Variants in MDM2 observed in about 807,000 individuals in gnomAD.
MDM2 encodes E3 ubiquitin-protein ligase Mdm2.
MDM2 carries 11 observed loss-of-function variants against 64.3 expected under a neutral mutation model. The observed-to-expected ratio is 0.17, with a 90% CI of 0.11 to 0.28. MDM2 has a LOEUF of 0.28. Among genes scored for constraint, MDM2 ranks in the 10% least tolerant of loss-of-function variants. The pLI, the probability that MDM2 is intolerant of heterozygous loss-of-function variation, is 1.00. For missense variants in MDM2, 388 were observed against 577.1 expected, an observed-to-expected ratio of 0.67 and a Z score of 3.36; for synonymous variants, 194 against 192.9, an observed-to-expected ratio of 1.01 and a Z score of -0.05.
At chr12:68,845,614 A>G (rs575672176), downstream of MDM2, 4 of 178,102 alleles carry the variant, frequency 2.2e-5, no homozygotes, top group South Asian at 7.9e-4. Flanking sequence ...TCCTTTAAAG[A>G]CTTTAAAAAA....
At chr12:68,812,081 A>T (rs1299438559) in intron 2 of MDM2, among the ~76,000 whole-genome samples, 1 of 152,266 alleles carries the variant, frequency 6.6e-6, no homozygotes, top group African/African-American at 2.4e-5. Context: ...TATTTTATCT[A>T]ATTTGAAGCT....
Position 68,842,185 on chromosome 12 carries a change from C to G in MDM2, c.*2336C>G. ...GAACTATGGAATAAAACTACTGATGCAGTGAAGACAGTTGAAAAGATCAAA... is the reference window on the plus strand; with the variant it reads ...GAACTATGGAATAAAACTACTGATGGAGTGAAGACAGTTGAAAAGATCAAA... On this transcript the variant is annotated 3_prime_UTR_variant, in exon 11 of 11. Transcript: ENST00000258149. 4.1e-6 allele frequency: 2 copies of G among 492,718 alleles called. No homozygotes were observed. Among genetic ancestry groups the G allele is most frequent in the Admixed American group, 4.7e-5 (2 of 42,170 alleles). The allele number at this position is 492,718 out of a possible 1,614,324, so 30.5% of individuals were successfully genotyped here. A position where few individuals can be genotyped will look rare whatever the true frequency, so the allele number is the denominator to read the frequency against.
At chr12:68,817,083 C>T (rs760639175) in intron 4 of MDM2, 138 bp downstream of exon 4, 11 of 959,998 alleles carry the variant, frequency 1.1e-5, no homozygotes, top group Admixed American at 3.7e-5. Context: ...TTTAGCTCTG[C>T]GGCATATTAT....
At chr12:68,826,612 G>A (rs1306488216) in intron 7 of MDM2, among the ~76,000 whole-genome samples, 2 of 139,234 alleles carry the variant, frequency 1.4e-5, no homozygotes, top group African/African-American at 5.8e-5. Context: ...TCGCACCACT[G>A]CACTCCAGCC....
intron 5 of MDM2, among the ~76,000 whole-genome samples, chr12:68,823,414 G>A (rs1292644357): frequency 6.6e-6 from 1 of 152,052 alleles, no homozygotes; most frequent in Non-Finnish European, 1.5e-5. Context: ...TCTTTCTAAA[G>A]TTTCTCTTTT....
chr12:68,808,186 C>G lies in MDM2; in HGVS notation c.-292C>G, dbSNP rs1380158485. The G allele has an allele frequency of 3.9e-6, 2 of 515,078 alleles. No individual in the cohort carries two copies. The highest frequency in any genetic ancestry group is 6.8e-6 in the Non-Finnish European group (2 of 293,478). The allele number at this position is 515,078 out of a possible 1,614,324, so 31.9% of individuals were successfully genotyped here. Reference sequence around the variant, plus strand: ...CCCCTCGGGCGGTAGGGGGCGCGCACCGAGGCACCGCGGCGAGCTTGGCTG... The same window carrying G: ...CCCCTCGGGCGGTAGGGGGCGCGCAGCGAGGCACCGCGGCGAGCTTGGCTG... On this transcript the variant is annotated 5_prime_UTR_variant, in exon 1 of 11. Coordinates refer to ENST00000258149, the MANE Select transcript of MDM2 (RefSeq NM_002392.6).
At chr12:68,831,381 C>A (rs1251368164) in intron 8 of MDM2, among the ~76,000 whole-genome samples, 1 of 152,118 alleles carries the variant, frequency 6.6e-6, no homozygotes, top group Non-Finnish European at 1.5e-5. Context: ...ATTGGTTTGA[C>A]CAGGCATGTC....
At chr12:68,814,008 T>C (rs932971316) in intron 3 of MDM2, among the ~76,000 whole-genome samples, 14 of 152,268 alleles carry the variant, frequency 9.2e-5, no homozygotes, top group Non-Finnish European at 1.8e-4. Flanking sequence ...GCTTTTGTTA[T>C]TAACATAATA....
intron 8 of MDM2, among the ~76,000 whole-genome samples, chr12:68,834,562 C>T (rs566147927): frequency 6.6e-6 from 1 of 151,760 alleles, no homozygotes; most frequent in Non-Finnish European, 1.5e-5. Context: ...CATGGTGAAG[C>T]CCTGCCTCTA....
intron 2 of MDM2, among the ~76,000 whole-genome samples, chr12:68,810,267 G>A (rs1385273428): frequency 6.6e-6 from 1 of 150,428 alleles, no homozygotes; most frequent in South Asian, 2.1e-4. Context: ...CCAAGATTGC[G>A]CCATTTCACT....
chr12:68,820,385 T>A lies in MDM2; in HGVS notation c.358+11T>A. ...TAGTCAATCAGCAGGGTAAGTTAAT[T>A]TTGAGCATCATGGATAAATACCATA... On this transcript the variant is annotated intron_variant, in intron 5 of 10. Coordinates refer to ENST00000258149, the MANE Select transcript of MDM2 (RefSeq NM_002392.6). 1 of 1,599,510 alleles carries A rather than the reference T, an allele frequency of 6.3e-7. No homozygotes were observed. The highest frequency in any genetic ancestry group is 8.5e-7 in the Non-Finnish European group (1 of 1,170,868).
intron 5 of MDM2, among the ~76,000 whole-genome samples, chr12:68,822,719 T>C (rs1312771618): frequency 6.6e-6 from 1 of 150,926 alleles, no homozygotes; most frequent in Non-Finnish European, 1.5e-5. Context: ...ACTTCAGAAC[T>C]CCTATTCCAT....
In MDM2 at chr12:68,835,998, T is replaced by TC. The variant is rs753104067; in HGVS notation, c.840+18dup. The TC allele has an allele frequency of 2.5e-6, 4 of 1,582,086 alleles. No individual in the cohort carries two copies. The South Asian group carries it at 4.7e-5, about 19-fold the overall frequency. ...GAAGATGATGAGGTAGTATTTTTTT[T>TC]CCCCTCTAATTATATTGGAAAATTA... On this transcript the variant is annotated intron_variant, in intron 9 of 10. Coordinates refer to ENST00000258149, the MANE Select transcript of MDM2 (RefSeq NM_002392.6).
Position 68,843,562 on chromosome 12 carries a change from G to C in MDM2, c.*3713G>C, listed in dbSNP as rs1467170370. 1 of 226,792 alleles carries C rather than the reference G, an allele frequency of 4.4e-6. No homozygotes were observed. Among genetic ancestry groups the C allele is most frequent in the Admixed American group, 5.7e-5 (1 of 17,550 alleles). The allele number at this position is 226,792 out of a possible 1,614,324, so 14.0% of individuals were successfully genotyped here. On this transcript the variant is annotated 3_prime_UTR_variant, in exon 11 of 11. Coordinates refer to ENST00000258149, the MANE Select transcript of MDM2 (RefSeq NM_002392.6). Reference sequence around the variant, plus strand: ...GCAAAACAGTGAAAATAACCATCTTGATTTAGTGTTTTTCTCCCATATGTG... The same window carrying C: ...GCAAAACAGTGAAAATAACCATCTTCATTTAGTGTTTTTCTCCCATATGTG...
chr12:68,824,337 T>C (rs1882122104), intron 5 of MDM2, 26 bp from the exon 6 acceptor site: 1 of 1,604,904 alleles, frequency 6.2e-7, no homozygotes, highest in African/African-American at 1.3e-5. Context: ...ACCACCAAGT[T>C]TCTGATCCTT....
At chr12:68,819,426 G>A (rs1274489350) in intron 4 of MDM2, among the ~76,000 whole-genome samples, 2 of 152,154 alleles carry the variant, frequency 1.3e-5, no homozygotes, top group African/African-American at 4.8e-5. Flanking sequence ...CCAGTGACTG[G>A]TACGTGGTAG....
intron 4 of MDM2, among the ~76,000 whole-genome samples, chr12:68,817,266 T>TA (rs994854277): frequency 5.3e-5 from 8 of 152,230 alleles, no homozygotes; most frequent in African/African-American, 1.9e-4. Context: ...AGACGTTGTA[T>TA]AAAAAAGCAT....
In MDM2 at chr12:68,845,086, T is replaced by C. The variant is rs2136193112; in HGVS notation, c.*5237T>C. ...CCCAGCCTAATAAGGGTTTTAAAGA[T>C]AATTAGTGTGTAGGTCTGTAGGCTT... On this transcript the variant is annotated 3_prime_UTR_variant, in exon 11 of 11. Transcript: ENST00000258149. 4.6e-6 allele frequency: 1 copy of C among 218,906 alleles called. No homozygotes were observed. The highest frequency in any genetic ancestry group is 1.9e-4 in the South Asian group (1 of 5,402). The allele number at this position is 218,906 out of a possible 1,614,324, so 13.6% of individuals were successfully genotyped here.
At position 68,833,273 on chromosome 12, in the gene MDM2, TTATATAAATATAAATATA is replaced by T. The variant is rs1882992900; in HGVS notation, c.685-2550_685-2533del. Among the ~76,000 whole-genome samples the T allele has an allele frequency of 3.6e-5, 2 of 54,870 alleles. 1 individual carries two copies. Among genetic ancestry groups the T allele is most frequent in the Non-Finnish European group, 9.1e-5 (2 of 22,048 alleles). 36.0% of individuals were successfully genotyped at this position (54,870 alleles called of 152,430 possible). The stretch of plus-strand genomic sequence containing the variant: ...TATATATATTTATATAATTATATAT[TTATATAAATATAAATATA>T]TATATTTATATAAATATAAAAATAT... On this transcript the variant is annotated intron_variant, in intron 8 of 10. Transcript: ENST00000258149.
Sources: gnomAD v4.1 joint callset for allele counts (sites outside exome capture counted in the v4.1 genomes callset) on GRCh38, gnomAD v4.1.1 for gene constraint, MANE v1.5 for transcripts, NCBI Gene and HGNC (gene_info 2026-07-23, HGNC 2026-07-21) for gene names.